Variants in SLC30A3 observed in about 807,000 individuals in gnomAD.
The protein encoded by SLC30A3 is probable proton-coupled zinc antiporter SLC30A3.
In SLC30A3, 20 loss-of-function variants were observed where a neutral mutation model predicts 35.6. The observed-to-expected ratio is 0.56, with a 90% CI of 0.39 to 0.82. The LOEUF is 0.82. Among genes scored for constraint, SLC30A3 ranks in the 40% least tolerant of loss-of-function variants. SLC30A3 has a pLI of 0.00. For missense variants in SLC30A3, 401 were observed against 530.6 expected (o/e 0.76, Z 2.40); for synonymous variants, 217 against 224.7 (o/e 0.97, Z 0.31).
Position 27,256,492 on chromosome 2 carries a change from A to G in SLC30A3, c.912T>C (p.Pro304=). 6.2e-7 allele frequency: 1 copy of G among 1,614,080 alleles called. No individual in the cohort carries two copies. The highest frequency in any genetic ancestry group is 8.5e-7 in the Non-Finnish European group (1 of 1,180,014). The part of the protein sequence containing the change: ...EGTPRNVGFE[P]VRDTLLSVPG... The stretch of plus-strand genomic sequence containing the variant: ...GCACCGACAACAGCGTATCCCGCAC[A>G]GGTTCGAACCCCACATTGCGGGGGG... Residue 304 remains proline (P), a synonymous_variant, in exon 7 of 8, where the codon CCT becomes CCC. Coordinates refer to ENST00000233535, the MANE Select transcript of SLC30A3 (RefSeq NM_003459.5).
chr2:27,268,517 G>A (rs1677591122), intron 1 of SLC30A3, among the ~76,000 whole-genome samples: 2 of 152,312 alleles, frequency 1.3e-5, no homozygotes, highest in South Asian at 4.1e-4. Flanking sequence ...ACTTTGGGAG[G>A]CCGAGGTGGG....
At chr2:27,260,787 T>C (rs1423317694) in intron 1 of SLC30A3, among the ~76,000 whole-genome samples, 1 of 152,150 alleles carries the variant, frequency 6.6e-6, no homozygotes, top group Non-Finnish European at 1.5e-5. Flanking sequence ...ATTAATTTCT[T>C]GAATTTCCAA....
At chr2:27,272,303 C>T (rs1467125869) in intron 1 of SLC30A3, among the ~76,000 whole-genome samples, 2 of 152,176 alleles carry the variant, frequency 1.3e-5, no homozygotes, top group African/African-American at 4.8e-5. Context: ...CTAAGTGCTT[C>T]TGTCCCAGGG....
intron 1 of SLC30A3, among the ~76,000 whole-genome samples, chr2:27,260,226 T>C (rs1182575941): frequency 1.3e-5 from 2 of 152,126 alleles, no homozygotes; most frequent in African/African-American, 4.8e-5. Context: ...CCAAAAAGTC[T>C]GATTCCGGGC....
rs1002638497 is a variant in SLC30A3 at position 27,262,527 on chromosome 2, G to A, written c.95+285C>T. Among the ~76,000 whole-genome samples, 1 of 152,086 alleles carries A rather than the reference G, an allele frequency of 6.6e-6. No individual in the cohort carries two copies. Among genetic ancestry groups the A allele is most frequent in the Non-Finnish European group, 1.5e-5 (1 of 67,982 alleles). ...GCGGCAGCTGCTCCCAGGGAAGGCA[G>A]GCGCCGCGGGGGTGGCGGAGGGGTC... On this transcript the variant is annotated intron_variant, in intron 1 of 7. Transcript: ENST00000233535. The surrounding 1 kb of genome is among the most constrained non-coding windows in gnomAD (Gnocchi z 7.5).
chr2:27,273,722 G>A (rs576265954), intron 1 of SLC30A3, among the ~76,000 whole-genome samples: 116 of 152,098 alleles, frequency 7.6e-4, no homozygotes, highest in Middle Eastern at 3.4e-3. Flanking sequence ...CAGTCATCAC[G>A]TCTGCTACAG....
At chr2:27,256,970 T>G (rs1411833113) in intron 5 of SLC30A3, 77 bp from the exon 6 acceptor site, 11 of 1,208,060 alleles carry the variant, frequency 9.1e-6, no homozygotes, top group Non-Finnish European at 1.3e-5. Flanking sequence ...TGAACAAACA[T>G]GACCTGAGAG....
At chr2:27,275,359 C>T (rs1677967514), upstream of SLC30A3, 3 of 535,144 alleles carry the variant, frequency 5.6e-6, no homozygotes, top group Admixed American at 6.0e-5. Context: ...TCTCGCTTCC[C>T]TGCGCGCGAA....
At chr2:27,274,680 AGAAAAG>A (rs1677918798) in intron 1 of SLC30A3, among the ~76,000 whole-genome samples, 1 of 149,976 alleles carries the variant, frequency 6.7e-6, no homozygotes, top group African/African-American at 2.5e-5. Flanking sequence ...TAAAAAAAAA[AGAAAAG>A]AAAAAAGAAA....
intron 1 of SLC30A3, among the ~76,000 whole-genome samples, chr2:27,273,047 A>T (rs1193600688): frequency 1.5e-4 from 22 of 145,488 alleles, no homozygotes; most frequent in African/African-American, 5.6e-4. Context: ...CAAAAAAAAA[A>T]AAAAATATAT....
rs944473345 is a variant in SLC30A3 at position 27,257,042 on chromosome 2, G to A, written c.777+112C>T. 2.4e-5 allele frequency: 29 copies of A among 1,212,332 alleles called. No homozygotes were observed. Among genetic ancestry groups the A allele is most frequent in the Middle Eastern group, 2.0e-4 (1 of 4,974 alleles). 75.1% of individuals were successfully genotyped at this position (1,212,332 alleles called of 1,614,324 possible). A position where few individuals can be genotyped will look rare whatever the true frequency, so the allele number is the denominator to read the frequency against. On this transcript the variant is annotated intron_variant, in intron 5 of 7. Coordinates refer to ENST00000233535, the MANE Select transcript of SLC30A3 (RefSeq NM_003459.5). The surrounding 1 kb of genome is among the most constrained non-coding windows in gnomAD (Gnocchi z 4.7). The stretch of plus-strand genomic sequence containing the variant: ...ACTCATGTCTGGGAGAGTCCTGGGA[G>A]GTGGGAGGGAGGAGCTGGAGGGAGG...
rs1340597534 is a variant in SLC30A3, at chr2:27,255,405, G to T, written c.1074C>A (p.Ser358=). 1.9e-6 allele frequency: 3 copies of T among 1,614,154 alleles called. No homozygotes were observed. In the East Asian group the frequency reaches 6.7e-5, roughly 36 times the overall value. The part of the protein sequence containing the change: ...VLAEASSRLY[S]RFGFSSCTLQ... ...GGGTGCAGCTGGAGAATCCAAACCG[G>T]GAGTAGAGCCGGGATGAGGCTTCAG... The change falls in exon 8 of 8, where the codon TCC becomes TCA. Residue 358 remains serine, a synonymous_variant. Transcript: ENST00000233535. The surrounding 1 kb of genome is among the most constrained non-coding windows in gnomAD (Gnocchi z 5.2).
chr2:27,261,144 C>T (rs995919203), intron 1 of SLC30A3, among the ~76,000 whole-genome samples: 4 of 152,052 alleles, frequency 2.6e-5, no homozygotes, highest in African/African-American at 9.7e-5. Flanking sequence ...ATGACAAAGA[C>T]GAGGTTTGTG....
At chr2:27,266,787 C>T (rs1677514665), upstream of SLC30A3, among the ~76,000 whole-genome samples, 1 of 152,164 alleles carries the variant, frequency 6.6e-6, no homozygotes, top group South Asian at 2.1e-4. Flanking sequence ...GTCCCACCTA[C>T]TTGTGAGGCT....
intron 1 of SLC30A3, among the ~76,000 whole-genome samples, chr2:27,260,665 G>A (rs993553123): frequency 8.5e-5 from 13 of 152,200 alleles, no homozygotes; most frequent in African/African-American, 2.9e-4. Flanking sequence ...AAAGTGGGGC[G>A]GGATGTCTGG....
chr2:27,262,672 A>C lies in SLC30A3; in HGVS notation c.95+140T>G. On this transcript the variant is annotated intron_variant, in intron 1 of 7. Transcript: ENST00000233535. This position sits in a 1 kb window ranked among gnomAD's most constrained non-coding sequence, Gnocchi z 7.5. ...TGGGCGCTCCGTGTGGCCAGAGGGG[A>C]TGAAGCGGGGTGCAGCGGAGCGAGG... is the stretch of plus-strand genomic sequence containing the variant. 1 of 802,816 alleles carries C rather than the reference A, an allele frequency of 1.2e-6. No homozygotes were observed. Among genetic ancestry groups the C allele is most frequent in the South Asian group, 2.2e-5 (1 of 45,766 alleles). 49.7% of individuals were successfully genotyped at this position (802,816 alleles called of 1,614,324 possible).
upstream of SLC30A3, chr2:27,263,886 A>AGGGGCAGC: frequency 4.2e-6 from 2 of 473,902 alleles, no homozygotes; most frequent in Non-Finnish European, 4.0e-6. Flanking sequence ...AGAGGGGCTG[A>AGGGGCAGC]GGGGCAGCGG....
chr2:27,257,583 A>G lies in SLC30A3; in HGVS notation c.579-231T>C, dbSNP rs1676939934. Reference sequence around the variant, plus strand: ...AATAGATATGTGACTTGGGCAAGTCACCTGTTGGGATTGACTGCATTAATG... The same window carrying G: ...AATAGATATGTGACTTGGGCAAGTCGCCTGTTGGGATTGACTGCATTAATG... On this transcript the variant is annotated intron_variant, in intron 4 of 7. Transcript: ENST00000233535. This position sits in a 1 kb window ranked among gnomAD's most constrained non-coding sequence, Gnocchi z 4.7. 8.3e-6 allele frequency: 5 copies of G among 604,038 alleles called. No homozygotes were observed. Among genetic ancestry groups the G allele is most frequent in the Non-Finnish European group, 2.9e-6 (1 of 340,160 alleles). 37.4% of individuals were successfully genotyped at this position (604,038 alleles called of 1,614,324 possible).
chr2:27,258,648 C>G lies in SLC30A3; in HGVS notation c.277+105G>C. 1 of 1,267,016 alleles carries G rather than the reference C, an allele frequency of 7.9e-7. No homozygotes were observed. The highest frequency in any genetic ancestry group is 1.1e-6 in the Non-Finnish European group (1 of 887,390). The allele number at this position is 1,267,016 out of a possible 1,614,324, so 78.5% of individuals were successfully genotyped here. ...CACCCAGCTCCCCTATCCCAGCCAT[C>G]CCCATCTCTGCATCTGCACCCAGGA... is the stretch of plus-strand genomic sequence containing the variant. On this transcript the variant is annotated intron_variant, in intron 2 of 7. Transcript: ENST00000233535. The surrounding 1 kb of genome is among the most constrained non-coding windows in gnomAD (Gnocchi z 4.0).
Sources: gnomAD v4.1 joint callset for allele counts (sites outside exome capture counted in the v4.1 genomes callset) on GRCh38, gnomAD v4.1.1 for gene constraint, Gnocchi (gnomAD v3.1) non-coding constraint, MANE v1.5 for transcripts, NCBI Gene and HGNC (gene_info 2026-07-23, HGNC 2026-07-21) for gene names.